The following SLC45A2 variants were observed in gnomAD, a reference collection of about 807,000 sequenced individuals.
The protein encoded by SLC45A2 is membrane-associated transporter protein.
In SLC45A2, 36 loss-of-function variants were observed where a neutral mutation model predicts 45.5. The ratio of observed to expected loss-of-function variants is 0.79; its 90% CI spans 0.61 to 1.04. The LOEUF (loss-of-function observed/expected upper bound fraction) is 1.04, where lower values mean the gene tolerates loss of function less well. Among genes scored for constraint, SLC45A2 ranks in the 50% least tolerant of loss-of-function variants. The probability of loss-of-function intolerance (pLI) is 0.00; values close to 1 mark genes in which losing one functional copy is unlikely to be tolerated. For synonymous variants in SLC45A2, 306 were observed against 269.3 expected (o/e 1.14, Z -1.33); for missense variants, 719 against 671.0 (o/e 1.07, Z -0.79).
Position 33,963,846 on chromosome 5 carries a change from C to A in SLC45A2, c.733G>T (p.Val245Phe), listed in dbSNP as rs770514854. The A allele has an allele frequency of 1.9e-6, 3 of 1,614,116 alleles. No individual in the cohort carries two copies. Among genetic ancestry groups the A allele is most frequent in the Non-Finnish European group, 2.5e-6 (3 of 1,180,008 alleles). ...TGCTGTGGGGGAATGCCCTTTGCAA[C>A]CTCTGTAAGTGGGGCTTCAGAGATA... Reference protein sequence around the residue: ...CSISEAPLTEVAKGIPPQQTP... With the variant: ...CSISEAPLTEFAKGIPPQQTP... The change falls in exon 3 of 7, where the codon GTT (valine) becomes TTT (phenylalanine). Residue 245 changes from valine (V) to phenylalanine (F), a missense_variant. By Grantham distance (50) the Val-to-Phe change is conservative. Coordinates refer to ENST00000296589, the MANE Select transcript of SLC45A2 (RefSeq NM_016180.5).
At chr5:33,952,647 T>C (rs1752145526) in intron 4 of SLC45A2, among the ~76,000 whole-genome samples, 1 of 151,618 alleles carries the variant, frequency 6.6e-6, no homozygotes. Context: ...AGGCCGGAGC[T>C]AACAAGTTAA....
chr5:33,951,727 A>G, intron 4 of SLC45A2, 50 bp from the exon 5 acceptor site: 3 of 1,612,684 alleles, frequency 1.9e-6, no homozygotes, highest in Non-Finnish European at 2.5e-6. Context: ...TGTAGTAAGA[A>G]CCCTTCTCAT....
At chr5:33,954,527 G>A in intron 3 of SLC45A2, 23 bp from the exon 4 acceptor site, 2 of 1,612,836 alleles carry the variant, frequency 1.2e-6, no homozygotes, top group Non-Finnish European at 1.7e-6. Flanking sequence ...ATGAAACAGA[G>A]GTGTGATCTT....
At chr5:33,945,567 T>C (rs1751896021) in intron 6 of SLC45A2, among the ~76,000 whole-genome samples, 1 of 152,176 alleles carries the variant, frequency 6.6e-6, no homozygotes, top group Admixed American at 6.5e-5. Context: ...GTTACTGTAT[T>C]TCAACCTCAC....
rs1360404929 is a variant in SLC45A2 at position 33,984,309 on chromosome 5, C to G, written c.275G>C (p.Ser92Thr). 11 of 1,614,032 alleles carry G rather than the reference C, an allele frequency of 6.8e-6. No individual in the cohort carries two copies. The highest frequency in any genetic ancestry group is 2.2e-5 in the East Asian group (1 of 44,898). ...GCCCCACCTGGACCGGCAGTGGTCG[C>G]TGGCCGATCCGACCACGGGCTGCAG... ...FLLQPVVGSA[S>T]DHCRSRWGRR... Residue 92 changes from serine (S) to threonine (T), a missense_variant, in exon 1 of 7, where the codon AGC (serine) becomes ACC (threonine). Ser to Thr is a moderately conservative substitution (Grantham distance 58). Coordinates refer to ENST00000296589, the MANE Select transcript of SLC45A2 (RefSeq NM_016180.5).
Position 33,951,553 on chromosome 5 carries a change from C to G in SLC45A2, c.1156+1G>C, listed in dbSNP as rs752501574. 3.2e-5 allele frequency: 51 copies of G among 1,614,006 alleles called. No homozygotes were observed. Among genetic ancestry groups the G allele is most frequent in the Non-Finnish European group, 4.1e-5 (48 of 1,180,010 alleles). ...CATCCTTAGGAGAGAGAAAGACTTA[C>G]AAGAATAAAGTGAGGAAAACACGGA... is the stretch of plus-strand genomic sequence containing the variant. On this transcript the variant is annotated splice_donor_variant, in intron 5 of 6. Coordinates refer to ENST00000296589, the MANE Select transcript of SLC45A2 (RefSeq NM_016180.5). LOFTEE classifies it high-confidence loss of function.
At position 33,964,229 on chromosome 5, in the gene SLC45A2, G is replaced by A. The variant is rs553957679; in HGVS notation, c.563-213C>T. Among the ~76,000 whole-genome samples, 5 of 152,194 alleles carry A rather than the reference G, an allele frequency of 3.3e-5. No individual in the cohort carries two copies. The East Asian group carries it at 5.8e-4, about 18-fold the overall frequency. The stretch of plus-strand genomic sequence containing the variant: ...TCTAGCATTTACTTGCTGTGATCTT[G>A]GGCTTCCTCACCCAGAATATGGAGG... On this transcript the variant is annotated intron_variant, in intron 2 of 6. Coordinates refer to ENST00000296589, the MANE Select transcript of SLC45A2 (RefSeq NM_016180.5).
chr5:33,945,107 T>G (rs1751883330), intron 6 of SLC45A2, among the ~76,000 whole-genome samples: 1 of 152,268 alleles, frequency 6.6e-6, no homozygotes, highest in African/African-American at 2.4e-5. Flanking sequence ...TGATTTCATG[T>G]AATTTTCATG....
intron 2 of SLC45A2, among the ~76,000 whole-genome samples, chr5:33,981,700 CTT>C (rs1753076863): frequency 6.6e-6 from 1 of 152,220 alleles, no homozygotes; most frequent in Non-Finnish European, 1.5e-5. Context: ...AAATGCCAAC[CTT>C]TTACATAACT....
intron 2 of SLC45A2, chr5:33,971,004 A>G: frequency 2.0e-6 from 1 of 499,530 alleles, no homozygotes; most frequent in South Asian, 1.5e-5. Flanking sequence ...AATGATCTGA[A>G]GGCCCTAAAA....
chr5:33,971,698 T>TC (rs1752781752), intron 2 of SLC45A2, among the ~76,000 whole-genome samples: 1 of 152,116 alleles, frequency 6.6e-6, no homozygotes, highest in African/African-American at 2.4e-5. Flanking sequence ...GTGATCTTGG[T>TC]TCACTGTAAC....
At chr5:33,983,513 T>G (rs564067309) in intron 1 of SLC45A2, among the ~76,000 whole-genome samples, 1 of 152,368 alleles carries the variant, frequency 6.6e-6, no homozygotes, top group African/African-American at 2.4e-5. Context: ...GATAATTGAT[T>G]ATCCTGCCTC....
rs573290054 is a variant in SLC45A2 at position 33,962,904 on chromosome 5, G to A, written c.888+787C>T. ...CTCTGTTCTATATCCCTGAGGTTTT[G>A]GCATTCAATTTTAGCTTGAAGGAAA... On this transcript the variant is annotated intron_variant, in intron 3 of 6. Coordinates refer to ENST00000296589, the MANE Select transcript of SLC45A2 (RefSeq NM_016180.5). Among the ~76,000 whole-genome samples, 9 of 152,264 alleles carry A rather than the reference G, an allele frequency of 5.9e-5. No individual in the cohort carries two copies. In the South Asian group the frequency reaches 1.9e-3, roughly 32 times the overall value.
At position 33,984,477 on chromosome 5, in the gene SLC45A2, A is replaced by G; in HGVS notation, c.107T>C (p.Ile36Thr). ...EPPKRPTSRLIMHSMAMFGRE... is the reference protein window; with the variant it reads ...EPPKRPTSRLTMHSMAMFGRE... ...TCCGAACATGGCCATGCTGTGCATG[A>G]TGAGTCTGCTGGTGGGTCTTTTAGG... Residue 36 changes from isoleucine to threonine, a missense_variant, in exon 1 of 7, where the codon ATC (isoleucine) becomes ACC (threonine). Physicochemically the swap from Ile to Thr is moderately conservative, Grantham distance 89. Transcript: ENST00000296589. 6.2e-7 allele frequency: 1 copy of G among 1,613,672 alleles called. No individual in the cohort carries two copies. The highest frequency in any genetic ancestry group is 2.2e-5 in the East Asian group (1 of 44,890).
chr5:33,945,012 C>T, intron 6 of SLC45A2, 140 bp from the exon 7 acceptor site: 1 of 806,290 alleles, frequency 1.2e-6, no homozygotes. Context: ...CATAACTACT[C>T]AACTCTGCTG....
At chr5:33,950,687 C>G (rs928635793) in intron 5 of SLC45A2, among the ~76,000 whole-genome samples, 1 of 152,210 alleles carries the variant, frequency 6.6e-6, no homozygotes, top group African/African-American at 2.4e-5. Flanking sequence ...CCCATCTCTT[C>G]CCACTTCCTT....
At chr5:33,983,231 C>G (rs1477186698) in intron 1 of SLC45A2, among the ~76,000 whole-genome samples, 1 of 152,210 alleles carries the variant, frequency 6.6e-6, no homozygotes, top group Admixed American at 6.5e-5. Flanking sequence ...TCTACGGATA[C>G]GCTGTAATCG....
chr5:33,947,604 T>C (rs571191553), intron 5 of SLC45A2, among the ~76,000 whole-genome samples: 46 of 152,306 alleles, frequency 3.0e-4, no homozygotes, highest in Non-Finnish European at 4.9e-4. Context: ...TGATTTTTTT[T>C]CTACAAAGAA....
At chr5:33,965,638 G>A (rs1426479635) in intron 2 of SLC45A2, among the ~76,000 whole-genome samples, 4 of 152,214 alleles carry the variant, frequency 2.6e-5, no homozygotes, top group African/African-American at 9.7e-5. Context: ...CCCAGGATTT[G>A]AGAGAAAGAG....
Sources: gnomAD v4.1 joint callset for allele counts (sites outside exome capture counted in the v4.1 genomes callset) on GRCh38, gnomAD v4.1.1 for gene constraint, MANE v1.5 for transcripts, NCBI Gene and HGNC (gene_info 2026-07-23, HGNC 2026-07-21) for gene names.